EXO1: variants seen among roughly 807,000 people sequenced by gnomAD.
EXO1 encodes exonuclease 1.
Under a neutral mutation model 84.5 loss-of-function variants are expected in EXO1, and 69 were observed. The observed-to-expected ratio is 0.82, with a 90% CI of 0.67 to 1.00. The LOEUF (loss-of-function observed/expected upper bound fraction) is 1.00. Among genes scored for constraint, EXO1 ranks in the 50% least tolerant of loss-of-function variants. The probability of loss-of-function intolerance (pLI) is 0.00; values close to 1 mark genes in which losing one functional copy is unlikely to be tolerated. For missense variants in EXO1, 1,045 were observed against 1,000.7 expected (o/e 1.04, Z -0.60); for synonymous variants, 373 against 366.1 (o/e 1.02, Z -0.21).
At chr1:241,870,154 G>C (rs375518822) in intron 11 of EXO1, among the ~76,000 whole-genome samples, 2 of 152,098 alleles carry the variant, frequency 1.3e-5, no homozygotes, top group African/African-American at 4.8e-5. Context: ...AAGACACGCT[G>C]TCCATTTTAT....
In EXO1 at chr1:241,879,215, G is replaced by A. The variant is rs762671289; in HGVS notation, c.1981G>A (p.Asp661Asn). 3 of 1,601,970 alleles carry A rather than the reference G, an allele frequency of 1.9e-6. No homozygotes were observed. Among genetic ancestry groups the A allele is most frequent in the Non-Finnish European group, 1.7e-6 (2 of 1,171,692 alleles). The part of the protein sequence containing the change: ...VSQLKSEESS[D>N]DESHPLREEA... ...GCAGTTAAAGAGCGAGGAGTCCAGT[G>A]ACGATGAGTCTCATCCCTTACGAGA... is the stretch of plus-strand genomic sequence containing the variant. The change falls in exon 13 of 16, where the codon GAC becomes AAC. Residue 661 changes from aspartate to asparagine, a missense_variant. By Grantham distance (23) the Asp-to-Asn change is conservative (BLOSUM62 1). Transcript: ENST00000366548.
chr1:241,870,236 C>T (rs143558674), intron 11 of EXO1, among the ~76,000 whole-genome samples: 3 of 152,184 alleles, frequency 2.0e-5, no homozygotes, highest in Non-Finnish European at 4.4e-5. Context: ...ATAACTACAA[C>T]TTATCAATAG....
At chr1:241,881,551 G>A (rs1334141181) in intron 13 of EXO1, among the ~76,000 whole-genome samples, 1 of 152,174 alleles carries the variant, frequency 6.6e-6, no homozygotes, top group Non-Finnish European at 1.5e-5. Flanking sequence ...GGATGGAGCT[G>A]CACCAGTTCA....
intron 8 of EXO1, among the ~76,000 whole-genome samples, 174 bp downstream of exon 8, chr1:241,858,892 G>GA (rs1367832103): frequency 6.6e-6 from 1 of 152,154 alleles, no homozygotes; most frequent in Non-Finnish European, 1.5e-5. Context: ...CATATATTGG[G>GA]AAAATCATGT....
At chr1:241,885,254 C>G (rs936130653) in intron 14 of EXO1, 60 bp from the exon 15 acceptor site, 1 of 1,051,606 alleles carries the variant, frequency 9.5e-7, no homozygotes, top group Non-Finnish European at 1.4e-6. Flanking sequence ...TAAAGAATAG[C>G]TTGAAATTAA....
intron 6 of EXO1, chr1:241,854,647 G>A (rs1221293282): frequency 6.5e-6 from 1 of 152,746 alleles, no homozygotes; most frequent in Non-Finnish European, 1.5e-5. Context: ...GTGTAGTCAG[G>A]AGAAGAGAGG....
rs547661777 is a variant in EXO1 at position 241,879,237 on chromosome 1, G to T, written c.2003G>T (p.Arg668Leu). The change falls in exon 13 of 16, where the codon CGA (arginine) becomes CTA (leucine). Residue 668 changes from arginine to leucine, a missense_variant. Arg to Leu is a moderately radical substitution (Grantham distance 102, BLOSUM62 -2). Transcript: ENST00000366548. Reference protein sequence around the residue: ...ESSDDESHPLREEACSSQSQE... With the variant: ...ESSDDESHPLLEEACSSQSQE... The stretch of plus-strand genomic sequence containing the variant: ...AGTGACGATGAGTCTCATCCCTTAC[G>T]AGAAGAGGCATGTTCTTCACAGTCC... The T allele has an allele frequency of 1.9e-5, 30 of 1,599,534 alleles. No individual in the cohort carries two copies. The South Asian group carries it at 3.0e-4, about 16-fold the overall frequency.
chr1:241,864,013 A>G (rs1231308557), intron 10 of EXO1, among the ~76,000 whole-genome samples: 3 of 152,122 alleles, frequency 2.0e-5, no homozygotes, highest in Admixed American at 1.3e-4. Flanking sequence ...TCAGAATATG[A>G]TAATTTTTTG....
intron 10 of EXO1, 69 bp from the exon 11 acceptor site, chr1:241,866,761 G>A: frequency 8.7e-7 from 1 of 1,151,422 alleles, no homozygotes; most frequent in Admixed American, 1.7e-5. Flanking sequence ...TATAATTTAT[G>A]TTGATACAGA....
At chr1:241,855,088 A>G (rs941836041) in intron 6 of EXO1, among the ~76,000 whole-genome samples, 3 of 152,192 alleles carry the variant, frequency 2.0e-5, no homozygotes, top group Middle Eastern at 3.2e-3. Context: ...CAAAGAGCGA[A>G]AGAACAAAGC....
At chr1:241,856,307 G>A (rs1661033659) in intron 6 of EXO1, among the ~76,000 whole-genome samples, 1 of 149,488 alleles carries the variant, frequency 6.7e-6, no homozygotes. Context: ...CAGGCCTTGG[G>A]AACCATTTTC....
At chr1:241,880,542 C>T (rs570391938) in intron 13 of EXO1, among the ~76,000 whole-genome samples, 1 of 152,278 alleles carries the variant, frequency 6.6e-6, no homozygotes, top group Admixed American at 6.5e-5. Context: ...CCTCCCCTAG[C>T]CATGCCCCAC....
intron 13 of EXO1, 85 bp from the exon 14 acceptor site, chr1:241,881,831 C>T: frequency 3.0e-6 from 2 of 667,324 alleles, no homozygotes; most frequent in South Asian, 1.9e-5. Context: ...ATTTATCTTC[C>T]ATTTTGTTGA....
At chr1:241,874,150 A>G (rs1335549312) in intron 12 of EXO1, among the ~76,000 whole-genome samples, 2 of 152,190 alleles carry the variant, frequency 1.3e-5, no homozygotes, top group Non-Finnish European at 2.9e-5. Flanking sequence ...CTATAATCCC[A>G]GCACTTTGGG....
intron 4 of EXO1, among the ~76,000 whole-genome samples, chr1:241,851,904 G>A (rs1044354530): frequency 3.3e-5 from 5 of 152,164 alleles, no homozygotes; most frequent in Non-Finnish European, 5.9e-5. Flanking sequence ...ATATGGTGTC[G>A]TTGGAAGAAT....
At chr1:241,866,263 G>A (rs1474659021) in intron 10 of EXO1, among the ~76,000 whole-genome samples, 1 of 152,076 alleles carries the variant, frequency 6.6e-6, no homozygotes, top group Non-Finnish European at 1.5e-5. Flanking sequence ...ACAGGCACAC[G>A]CCACCACACC....
chr1:241,851,593 C>T (rs1274693156), intron 4 of EXO1, among the ~76,000 whole-genome samples: 3 of 152,140 alleles, frequency 2.0e-5, no homozygotes, highest in Non-Finnish European at 4.4e-5. Context: ...ATACCTGACC[C>T]TTGATTGGAT....
At chr1:241,873,871 C>G (rs1447745570) in intron 12 of EXO1, among the ~76,000 whole-genome samples, 4 of 152,042 alleles carry the variant, frequency 2.6e-5, no homozygotes, top group African/African-American at 9.7e-5. Flanking sequence ...AGGCAAAGAC[C>G]GGCACCAAGT....
chr1:241,889,492 G>A lies in EXO1; in HGVS notation c.2433G>A (p.Lys811=), dbSNP rs1186185723. The part of the protein sequence containing the change: ...KKDSEKLPPC[K]KPLSPVRDNI... ...ATTCTGAAAAGCTTCCTCCTTGTAA[G>A]AAACCCCTGTCCCCAGTCAGAGATA... The change falls in exon 16 of 16, where the codon AAG becomes AAA. Residue 811 remains lysine, a synonymous_variant. Coordinates refer to ENST00000366548, the MANE Select transcript of EXO1 (RefSeq NM_130398.4). 15 of 1,613,636 alleles carry A rather than the reference G, an allele frequency of 9.3e-6. No individual in the cohort carries two copies. Among genetic ancestry groups the A allele is most frequent in the Non-Finnish European group, 1.2e-5 (14 of 1,179,666 alleles).
Sources: gnomAD v4.1 joint callset for allele counts (sites outside exome capture counted in the v4.1 genomes callset) on GRCh38, gnomAD v4.1.1 for gene constraint, MANE v1.5 for transcripts, NCBI Gene and HGNC (gene_info 2026-07-23, HGNC 2026-07-21) for gene names.